ENKUR: variants seen among roughly 807,000 people sequenced by gnomAD.
ENKUR encodes the protein enkurin.
In ENKUR, 19 loss-of-function variants were observed where a neutral mutation model predicts 27.6. The observed-to-expected ratio is 0.69, with a 90% CI of 0.48 to 1.01. The LOEUF (loss-of-function observed/expected upper bound fraction) is 1.01. Ranked by LOEUF, ENKUR falls within the 50% of genes least tolerant of loss-of-function variation. The probability of loss-of-function intolerance (pLI) is 0.00; values close to 1 mark genes in which losing one functional copy is unlikely to be tolerated. For missense variants in ENKUR, 312 were observed against 310.5 expected (o/e 1.00, Z -0.04); for synonymous variants, 117 against 96.9 (o/e 1.21, Z -1.22).
At position 24,995,671 on chromosome 10, in the gene ENKUR, A is replaced by T. The variant is rs1404360825; in HGVS notation, c.422T>A (p.Leu141Gln). The T allele has an allele frequency of 2.5e-6, 4 of 1,613,224 alleles. No individual in the cohort carries two copies. Among genetic ancestry groups the T allele is most frequent in the African/African-American group, 2.7e-5 (2 of 74,876 alleles). Residue 141 changes from leucine to glutamine, a missense_variant, in exon 3 of 6, where the codon CTA becomes CAA. Leu to Gln is a moderately radical substitution (Grantham distance 113). Transcript: ENST00000331161. ...CTTTTTATTGATGTACTTTGGAACT[A>T]GTCCTGAAGGCTCAAGATCATGCTT... ...GDKHDLEPSG[L>Q]VPKYINKKDY...
chr10:25,018,792 A>G (rs967356586), upstream of ENKUR, among the ~76,000 whole-genome samples: 1 of 152,128 alleles, frequency 6.6e-6, no homozygotes, highest in African/African-American at 2.4e-5. Context: ...TAATTCTCAA[A>G]GTTATAGAAT....
Position 24,983,463 on chromosome 10 carries a change from G to A in ENKUR, c.*907C>T, listed in dbSNP as rs1426025324. The A allele has an allele frequency of 6.6e-6, 1 of 152,154 alleles. No homozygotes were observed. Among genetic ancestry groups the A allele is most frequent in the East Asian group, 1.9e-4 (1 of 5,198 alleles). The allele number at this position is 152,154 out of a possible 1,614,324, so 9.4% of individuals were successfully genotyped here. A position where few individuals can be genotyped will look rare whatever the true frequency, so the allele number is the denominator to read the frequency against. ...TTTACGTAATTATACATTTTGGAGT[G>A]TACTGTCACAGCTGTTAGCCTACCC... On this transcript the variant is annotated 3_prime_UTR_variant, in exon 6 of 6. Coordinates refer to ENST00000331161, the MANE Select transcript of ENKUR (RefSeq NM_145010.4).
chr10:25,014,797 C>T (rs889570000), intron 1 of ENKUR, among the ~76,000 whole-genome samples: 1 of 152,186 alleles, frequency 6.6e-6, no homozygotes, highest in Non-Finnish European at 1.5e-5. Context: ...AGATGTAATA[C>T]AGTTACTGCT....
At chr10:25,043,943 TCCCACATTCC>T (rs1297468614) in intron 2 of ENKUR, among the ~76,000 whole-genome samples, 4 of 151,946 alleles carry the variant, frequency 2.6e-5, no homozygotes, top group African/African-American at 9.7e-5. Context: ...TTTTTATACT[TCCCACATTCC>T]TTGAATATCC....
chr10:25,054,485 C>G (rs908512148), intron 2 of ENKUR, among the ~76,000 whole-genome samples: 1 of 116,706 alleles, frequency 8.6e-6, no homozygotes, highest in African/African-American at 3.0e-5. Context: ...TTCTTTCTTT[C>G]TTTCTTTCTT....
chr10:25,013,563 G>T (rs1202764918), intron 1 of ENKUR, among the ~76,000 whole-genome samples: 1 of 152,250 alleles, frequency 6.6e-6, no homozygotes, highest in East Asian at 1.9e-4. Context: ...TGGTTTCATG[G>T]ACTGTTCAGA....
chr10:24,986,034 C>T (rs1203785425), intron 4 of ENKUR, among the ~76,000 whole-genome samples: 1 of 152,178 alleles, frequency 6.6e-6, no homozygotes, highest in Non-Finnish European at 1.5e-5. Flanking sequence ...CGCCACTGCA[C>T]TCCAGCCTGA....
intron 1 of ENKUR, among the ~76,000 whole-genome samples, chr10:25,011,213 TC>T (rs1564343450): frequency 1.3e-5 from 2 of 152,262 alleles, no homozygotes; most frequent in African/African-American, 2.4e-5. Context: ...GACCATTTTT[TC>T]ATCTGTCTTT....
intron 1 of ENKUR, among the ~76,000 whole-genome samples, chr10:25,004,413 T>A (rs1289295481): frequency 6.6e-6 from 1 of 152,152 alleles, no homozygotes; most frequent in African/African-American, 2.4e-5. Context: ...AAGTGTTCCT[T>A]TTTCTCCACA....
intron 2 of ENKUR, among the ~76,000 whole-genome samples, chr10:24,996,362 C>T (rs1256720056): frequency 6.6e-6 from 1 of 151,904 alleles, no homozygotes; most frequent in African/African-American, 2.4e-5. Flanking sequence ...GCGGAGGTTG[C>T]AGTGAACCGA....
Position 24,990,568 on chromosome 10 carries a change from C to T in ENKUR, c.489G>A (p.Glu163=). ...AGTCTTCTTGGGCTTTCTTTATTTC[C>T]TCGTTTCGCTTACATATGTATTCAG... ...VTPEYICKRN[E]EIKKAQEDYD... Residue 163 remains glutamate, a synonymous_variant, in exon 4 of 6, where the codon GAG becomes GAA. Coordinates refer to ENST00000331161, the MANE Select transcript of ENKUR (RefSeq NM_145010.4). The T allele has an allele frequency of 6.2e-7, 1 of 1,613,240 alleles. No homozygotes were observed. The highest frequency in any genetic ancestry group is 8.5e-7 in the Non-Finnish European group (1 of 1,179,846).
intron 1 of ENKUR, among the ~76,000 whole-genome samples, chr10:25,004,980 G>T (rs1850278865): frequency 6.6e-6 from 1 of 152,108 alleles, no homozygotes; most frequent in Non-Finnish European, 1.5e-5. Flanking sequence ...TCTGCATATG[G>T]CTAGCCAGTT....
At chr10:25,017,364 T>G (rs1850623818), upstream of ENKUR, among the ~76,000 whole-genome samples, 1 of 152,006 alleles carries the variant, frequency 6.6e-6, no homozygotes, top group African/African-American at 2.4e-5. Flanking sequence ...GGTAATAGGA[T>G]TTGGGGAGGA....
rs150585487 is a variant in ENKUR, at chr10:24,990,496, C to G, written c.561G>C (p.Arg187Ser). The G allele has an allele frequency of 5.6e-6, 9 of 1,613,476 alleles. No homozygotes were observed. Among genetic ancestry groups the G allele is most frequent in the African/African-American group, 5.3e-5 (4 of 74,876 alleles). ...CTGCCTCCCTTTCTTCATCGGAGAG[C>G]CTTTTCATAGCTGCTTTCTTAAGGT... ...QENLKKAAMK[R>S]LSDEEREAVL... The change falls in exon 4 of 6, where the codon AGG becomes AGC. Residue 187 changes from arginine to serine, a missense_variant. Arg to Ser is a moderately radical substitution (Grantham distance 110). Coordinates refer to ENST00000331161, the MANE Select transcript of ENKUR (RefSeq NM_145010.4).
intron 4 of ENKUR, among the ~76,000 whole-genome samples, chr10:24,989,708 AT>A (rs1849883775): frequency 6.6e-6 from 1 of 152,204 alleles, no homozygotes; most frequent in Non-Finnish European, 1.5e-5. Context: ...ATATGAATCC[AT>A]TTTTCAACAG....
chr10:25,020,766 A>G (rs1850704196), upstream of ENKUR, among the ~76,000 whole-genome samples: 2 of 151,928 alleles, frequency 1.3e-5, no homozygotes, highest in African/African-American at 4.8e-5. Context: ...ATTACTGCTC[A>G]TGAAAACCAT....
chr10:25,022,502 A>G (rs1260592203), intron 2 of ENKUR, among the ~76,000 whole-genome samples: 1 of 152,192 alleles, frequency 6.6e-6, no homozygotes, highest in Non-Finnish European at 1.5e-5. Flanking sequence ...AAAGCCTTCA[A>G]TATGAATAAT....
intron 4 of ENKUR, among the ~76,000 whole-genome samples, chr10:24,988,122 G>A (rs1042156462): frequency 6.6e-6 from 1 of 151,400 alleles, no homozygotes; most frequent in African/African-American, 2.4e-5. Context: ...TACTCGGGAG[G>A]CTGAGGCATG....
chr10:25,056,496 G>A (rs925872774), intron 2 of ENKUR, among the ~76,000 whole-genome samples: 1 of 152,144 alleles, frequency 6.6e-6, no homozygotes, highest in African/African-American at 2.4e-5. Context: ...GTATCACTAT[G>A]GAATCATTTG....
Sources: allele counts gnomAD v4.1 joint callset (sites outside exome capture counted in the v4.1 genomes callset), GRCh38; gene constraint gnomAD v4.1.1; transcripts MANE v1.5; gene names NCBI Gene and HGNC (gene_info 2026-07-23, HGNC 2026-07-21).